Variants in PLCB1 observed in about 807,000 individuals in gnomAD.
PLCB1 encodes phospholipase C beta 1.
Under a neutral mutation model 161.8 loss-of-function variants are expected in PLCB1, and 46 were observed. That is an observed-to-expected ratio of 0.28 (90% CI 0.22 to 0.36). The LOEUF (loss-of-function observed/expected upper bound fraction) is 0.36, where lower values mean the gene tolerates loss of function less well. Among genes scored for constraint, PLCB1 ranks in the 10% least tolerant of loss-of-function variants. The pLI is 1.00. For missense variants in PLCB1, 1,016 were observed against 1,472.5 expected (o/e 0.69, Z 5.07); for synonymous variants, 517 against 503.7 (o/e 1.03, Z -0.35).
At chr20:8,790,990 A>G (rs1265429533) in intron 31 of PLCB1, among the ~76,000 whole-genome samples, 5 of 152,042 alleles carry the variant, frequency 3.3e-5, no homozygotes, top group African/African-American at 4.8e-5. Context: ...TAAAATATCT[A>G]CTCTAAAAAG....
At chr20:8,358,547 G>A (rs926855967) in intron 2 of PLCB1, among the ~76,000 whole-genome samples, 1 of 151,680 alleles carries the variant, frequency 6.6e-6, no homozygotes, top group Admixed American at 6.6e-5. Flanking sequence ...CACCGAGCCC[G>A]GCGTGTCCTA....
At chr20:8,443,487 A>T (rs1434574165) in intron 3 of PLCB1, among the ~76,000 whole-genome samples, 1 of 152,200 alleles carries the variant, frequency 6.6e-6, no homozygotes, top group East Asian at 1.9e-4. Flanking sequence ...TGAGCAGGGA[A>T]ACCTATTGAC....
chr20:8,703,316 T>C (rs570833090), intron 11 of PLCB1, among the ~76,000 whole-genome samples: 1 of 152,262 alleles, frequency 6.6e-6, no homozygotes, highest in Non-Finnish European at 1.5e-5. Flanking sequence ...TTGGATGTTA[T>C]CATTGAAATT....
At chr20:8,814,576 CAT>C (rs1491269609) in intron 31 of PLCB1, among the ~76,000 whole-genome samples, 3 of 72,404 alleles carry the variant, frequency 4.1e-5, no homozygotes, top group African/African-American at 1.9e-4. Flanking sequence ...TATGTACTTG[CAT>C]GTGTGTGTGT....
chr20:8,790,775 T>C (rs1486862052), intron 31 of PLCB1, among the ~76,000 whole-genome samples: 2 of 152,196 alleles, frequency 1.3e-5, no homozygotes, highest in Non-Finnish European at 2.9e-5. Flanking sequence ...TGCTTTAAAA[T>C]TATCTTATGT....
intron 2 of PLCB1, among the ~76,000 whole-genome samples, chr20:8,276,050 G>C (rs1169565361): frequency 7.9e-5 from 12 of 151,896 alleles, no homozygotes; most frequent in Admixed American, 5.9e-4. Context: ...TAAAACTAAA[G>C]TGAGGAACAT....
At chr20:8,498,767 T>C (rs1340513591) in intron 3 of PLCB1, among the ~76,000 whole-genome samples, 1 of 152,212 alleles carries the variant, frequency 6.6e-6, no homozygotes, top group African/African-American at 2.4e-5. Flanking sequence ...TAGGCCCAGC[T>C]AGCTGTTTCT....
chr20:8,295,057 C>T (rs1983568224), intron 2 of PLCB1, among the ~76,000 whole-genome samples: 1 of 152,052 alleles, frequency 6.6e-6, no homozygotes. Flanking sequence ...TCAAAGCAAA[C>T]ATAACTTTAA....
chr20:8,852,711 CAT>C (rs1331880945), intron 31 of PLCB1, among the ~76,000 whole-genome samples: 2 of 152,208 alleles, frequency 1.3e-5, no homozygotes, highest in Non-Finnish European at 2.9e-5. Flanking sequence ...TCTCCAAAAG[CAT>C]AGTTTGCTCT....
At chr20:8,628,257 A>G (rs368811357) in intron 3 of PLCB1, 37 bp from the exon 4 acceptor site, 1 of 1,508,438 alleles carries the variant, frequency 6.6e-7, no homozygotes, top group South Asian at 1.1e-5. Flanking sequence ...TGGAATCTCT[A>G]GTTATAGACT....
intron 3 of PLCB1, among the ~76,000 whole-genome samples, chr20:8,490,814 C>A (rs1274154356): frequency 6.7e-6 from 1 of 150,018 alleles, no homozygotes; most frequent in Non-Finnish European, 1.5e-5. Flanking sequence ...AGAATAGTTT[C>A]TTTTCTTATT....
intron 3 of PLCB1, among the ~76,000 whole-genome samples, chr20:8,442,892 A>T (rs1980626187): frequency 6.6e-6 from 1 of 152,122 alleles, no homozygotes; most frequent in Non-Finnish European, 1.5e-5. Flanking sequence ...CACCTTGGAA[A>T]GACTTAGCAA....
intron 2 of PLCB1, among the ~76,000 whole-genome samples, chr20:8,260,360 C>T (rs1022559246): frequency 7.9e-5 from 12 of 151,700 alleles, no homozygotes; most frequent in Admixed American, 5.9e-4. Context: ...GCTGGGATTA[C>T]AGGCATGAAC....
intron 19 of PLCB1, among the ~76,000 whole-genome samples, chr20:8,736,788 C>T (rs917591329): frequency 9.2e-5 from 14 of 152,274 alleles, no homozygotes; most frequent in African/African-American, 3.1e-4. Context: ...TCCAATCACC[C>T]TCCCCAAATA....
chr20:8,376,346 A>G (rs1987078875), intron 3 of PLCB1, among the ~76,000 whole-genome samples: 1 of 152,266 alleles, frequency 6.6e-6, no homozygotes, highest in South Asian at 2.1e-4. Flanking sequence ...TGTATGTAGT[A>G]TCACCAGAAT....
intron 2 of PLCB1, among the ~76,000 whole-genome samples, chr20:8,160,089 A>G (rs2051607558): frequency 1.3e-5 from 2 of 151,962 alleles, no homozygotes; most frequent in African/African-American, 2.4e-5. Flanking sequence ...AGGGCAGGGG[A>G]AAAATGCTGC....
intron 3 of PLCB1, among the ~76,000 whole-genome samples, chr20:8,373,113 G>T (rs1178861168): frequency 2.0e-5 from 3 of 152,188 alleles, no homozygotes; most frequent in Admixed American, 2.0e-4. Flanking sequence ...ACCACTGTTA[G>T]ATCCTCAAAT....
At chr20:8,382,894 C>A (rs1476320727) in intron 3 of PLCB1, among the ~76,000 whole-genome samples, 1 of 152,140 alleles carries the variant, frequency 6.6e-6, no homozygotes, top group African/African-American at 2.4e-5. Context: ...GCACTGTGGT[C>A]TGACAGACTG....
chr20:8,570,836 G>A (rs900733774), intron 3 of PLCB1, among the ~76,000 whole-genome samples: 2 of 152,154 alleles, frequency 1.3e-5, no homozygotes, highest in African/African-American at 4.8e-5. Flanking sequence ...GTTAGAGGAG[G>A]ACTCTTTGAG....
Sources: allele counts gnomAD v4.1 joint callset (sites outside exome capture counted in the v4.1 genomes callset), GRCh38; gene constraint gnomAD v4.1.1; transcripts MANE v1.5; gene names NCBI Gene and HGNC (gene_info 2026-07-23, HGNC 2026-07-21).